The following AGPAT5 variants were observed in gnomAD, a reference collection of about 807,000 sequenced individuals.
AGPAT5 encodes 1-acylglycerol-3-phosphate O-acyltransferase 5.
A neutral mutation model predicts 45.6 loss-of-function variants in AGPAT5; 46 were observed. The observed-to-expected ratio is 1.01, with a 90% CI of 0.80 to 1.29. The LOEUF is 1.29. Among genes scored for constraint, AGPAT5 ranks in the 50% most tolerant of loss-of-function variants. The pLI, the probability that AGPAT5 is intolerant of heterozygous loss-of-function variation, is 0.00. For missense variants in AGPAT5, 673 were observed against 450.7 expected, an observed-to-expected ratio of 1.49 and a Z score of -4.47; for synonymous variants, 272 against 167.0, an observed-to-expected ratio of 1.63 and a Z score of -4.85.
In AGPAT5 at chr8:6,708,772, G is replaced by T; in HGVS notation, c.104G>T (p.Trp35Leu). Residue 35 changes from tryptophan (W) to leucine (L), a missense_variant, in exon 1 of 8, where the codon TGG becomes TTG. By Grantham distance (61) the Trp-to-Leu change is moderately conservative (BLOSUM62 -2). Coordinates refer to ENST00000285518, the MANE Select transcript of AGPAT5 (RefSeq NM_018361.5). ...APTYVLAWGV[W>L]RLLSAFLPAR... ...ACCTACGTGTTGGCCTGGGGGGTCT[G>T]GCGGCTGCTCTCCGCCTTCCTGCCC... 6 of 1,608,736 alleles carry T rather than the reference G, an allele frequency of 3.7e-6. No individual in the cohort carries two copies. In the South Asian group the frequency reaches 6.6e-5, roughly 18 times the overall value.
rs1381919645 is a variant in AGPAT5 at position 6,735,530 on chromosome 8, A to G, written c.495+2880A>G. Reference sequence around the variant, plus strand: ...TTTTAGCTAAATTCTTTTTACTGGTATCTGTTACATTGGCCCCCAACTAAA... The same window carrying G: ...TTTTAGCTAAATTCTTTTTACTGGTGTCTGTTACATTGGCCCCCAACTAAA... On this transcript the variant is annotated intron_variant, in intron 4 of 7. Transcript: ENST00000285518. Among the ~76,000 whole-genome samples, 5 of 152,284 alleles carry G rather than the reference A, an allele frequency of 3.3e-5. No homozygotes were observed. The South Asian group carries it at 8.3e-4, about 25-fold the overall frequency.
chr8:6,746,251 C>T (rs1036757749), intron 5 of AGPAT5: 6 of 152,320 alleles, frequency 3.9e-5, no homozygotes, highest in African/African-American at 9.6e-5. Context: ...GGTGGGTGCA[C>T]GCAGGCATGC....
rs753524722 is a variant in AGPAT5, at chr8:6,730,692, C to G, written c.290-19C>G. ...GTGAAGAGCCTCATGTACGCGCTAA[C>G]TGGGTCCTGTCTCTGCAGTTGACTG... On this transcript the variant is annotated intron_variant, in intron 2 of 7. Coordinates refer to ENST00000285518, the MANE Select transcript of AGPAT5 (RefSeq NM_018361.5). 1.3e-6 allele frequency: 2 copies of G among 1,576,526 alleles called. No homozygotes were observed. Among genetic ancestry groups the G allele is most frequent in the Non-Finnish European group, 8.7e-7 (1 of 1,147,272 alleles).
intron 1 of AGPAT5, among the ~76,000 whole-genome samples, chr8:6,720,298 C>A (rs1480314992): frequency 6.6e-6 from 1 of 152,092 alleles, no homozygotes; most frequent in East Asian, 1.9e-4. Flanking sequence ...TGCCAGATTA[C>A]CTTAGAACCT....
intron 5 of AGPAT5, among the ~76,000 whole-genome samples, chr8:6,747,092 T>C (rs1243967294): frequency 6.6e-6 from 1 of 152,240 alleles, no homozygotes; most frequent in Non-Finnish European, 1.5e-5. Flanking sequence ...AGCAGCATTA[T>C]TCATAATAGC....
intron 1 of AGPAT5, among the ~76,000 whole-genome samples, chr8:6,720,662 A>G (rs1193687574): frequency 6.6e-6 from 1 of 152,238 alleles, no homozygotes; most frequent in Non-Finnish European, 1.5e-5. Context: ...GAGAAAAATT[A>G]GAGAGTCATC....
intron 1 of AGPAT5, among the ~76,000 whole-genome samples, chr8:6,724,650 A>T (rs1000965293): frequency 1.0e-5 from 1 of 98,530 alleles, no homozygotes; most frequent in African/African-American, 4.6e-5. Context: ...GATATTGATT[A>T]TTCTATTTTA....
intron 5 of AGPAT5, 57 bp downstream of exon 5, chr8:6,741,808 G>A: frequency 7.3e-7 from 1 of 1,369,918 alleles, no homozygotes; most frequent in Non-Finnish European, 1.0e-6. Context: ...AACATTTTTA[G>A]TTTTTCTTCC....
chr8:6,749,971 T>C (rs992702883), intron 6 of AGPAT5, among the ~76,000 whole-genome samples: 3 of 152,170 alleles, frequency 2.0e-5, no homozygotes, highest in African/African-American at 7.2e-5. Flanking sequence ...CCGTGAAGCC[T>C]CGGCCGTGGT....
Position 6,760,025 on chromosome 8 carries a change from T to A in AGPAT5, c.*2637T>A, listed in dbSNP as rs1315381764. Reference sequence around the variant, plus strand: ...TACTGATAGTTTTTCATATGTTTCATTTCCATGTGATTTTTAAAATTTAGA... The same window carrying A: ...TACTGATAGTTTTTCATATGTTTCAATTCCATGTGATTTTTAAAATTTAGA... On this transcript the variant is annotated 3_prime_UTR_variant, in exon 8 of 8. Transcript: ENST00000285518. Among the ~76,000 whole-genome samples the A allele has an allele frequency of 2.0e-5, 3 of 152,236 alleles. No individual in the cohort carries two copies. Among genetic ancestry groups the A allele is most frequent in the Non-Finnish European group, 4.4e-5 (3 of 68,046 alleles).
intron 7 of AGPAT5, 72 bp downstream of exon 7, chr8:6,755,246 A>G: frequency 6.9e-7 from 1 of 1,459,114 alleles, no homozygotes; most frequent in South Asian, 1.3e-5. Flanking sequence ...ACAATTTGAA[A>G]CCAATGTAAA....
intron 5 of AGPAT5, among the ~76,000 whole-genome samples, chr8:6,744,888 C>G (rs1563301761): frequency 6.6e-6 from 1 of 152,230 alleles, no homozygotes; most frequent in African/African-American, 2.4e-5. Context: ...TTTGTTTTCT[C>G]CCTTCCTTAG....
chr8:6,727,063 A>T (rs942392014), intron 2 of AGPAT5, among the ~76,000 whole-genome samples: 2 of 152,126 alleles, frequency 1.3e-5, no homozygotes, highest in African/African-American at 4.8e-5. Flanking sequence ...CCCTTCTAAA[A>T]CCCTTTTGAG....
chr8:6,749,553 C>G (rs192739325), intron 6 of AGPAT5, among the ~76,000 whole-genome samples: 1 of 152,298 alleles, frequency 6.6e-6, no homozygotes, highest in East Asian at 1.9e-4. Flanking sequence ...CTAGCGATAA[C>G]CAGTTTTCTT....
chr8:6,731,029 C>T (rs188553110), intron 3 of AGPAT5, among the ~76,000 whole-genome samples: 103 of 151,878 alleles, frequency 6.8e-4, no homozygotes, highest in African/African-American at 2.2e-3. Context: ...CCATCATGCC[C>T]GGCTAAATTT....
chr8:6,737,002 C>A (rs966489808), intron 4 of AGPAT5, among the ~76,000 whole-genome samples: 3 of 152,204 alleles, frequency 2.0e-5, no homozygotes, highest in African/African-American at 7.2e-5. Flanking sequence ...CTCTTGGGTA[C>A]TTTTAAAATA....
intron 6 of AGPAT5, among the ~76,000 whole-genome samples, chr8:6,751,033 C>T (rs1408616115): frequency 6.6e-6 from 1 of 152,060 alleles, no homozygotes; most frequent in Non-Finnish European, 1.5e-5. Context: ...ACTCTGCTTT[C>T]ATTGTTTTTT....
intron 4 of AGPAT5, among the ~76,000 whole-genome samples, chr8:6,733,909 C>G (rs973233635): frequency 3.3e-5 from 5 of 152,112 alleles, no homozygotes; most frequent in Non-Finnish European, 7.4e-5. Context: ...TGGCCCCTTG[C>G]TTTTTTGCCC....
At position 6,748,135 on chromosome 8, in the gene AGPAT5, C is replaced by T. The variant is rs1279599798; in HGVS notation, c.745+307C>T. 3.3e-5 allele frequency among the ~76,000 whole-genome samples: 5 copies of T among 152,274 alleles called. No homozygotes were observed. The East Asian group carries it at 9.7e-4, about 29-fold the overall frequency. ...AAGGGAGGAAGACGTGAAGAAGGAG[C>T]ACGCCCGGCAGTACTGAGTGCACGT... On this transcript the variant is annotated intron_variant, in intron 6 of 7. Transcript: ENST00000285518.
Sources: allele counts gnomAD v4.1 joint callset (sites outside exome capture counted in the v4.1 genomes callset), GRCh38; gene constraint gnomAD v4.1.1; transcripts MANE v1.5; gene names NCBI Gene and HGNC (gene_info 2026-07-23, HGNC 2026-07-21).